NRXN3: variants seen among roughly 807,000 people sequenced by gnomAD.
NRXN3 encodes the protein neurexin III.
In NRXN3, 32 loss-of-function variants were observed where a neutral mutation model predicts 137.6. That is an observed-to-expected ratio of 0.23 (90% CI 0.18 to 0.31). The LOEUF is 0.31. NRXN3 is among the 10% of genes least tolerant of loss of function. NRXN3 has a pLI of 1.00. For missense variants in NRXN3, 1,574 were observed against 2,062.5 expected, an observed-to-expected ratio of 0.76 and a Z score of 4.59; for synonymous variants, 798 against 784.5, an observed-to-expected ratio of 1.02 and a Z score of -0.29.
chr14:78,669,547 C>A (rs142796761), intron 6 of NRXN3, among the ~76,000 whole-genome samples: 2 of 152,088 alleles, frequency 1.3e-5, no homozygotes, highest in Admixed American at 1.3e-4. Flanking sequence ...TCTGTGCTAC[C>A]GTGCTACACA....
chr14:79,707,219 T>C (rs1156397164), intron 19 of NRXN3, among the ~76,000 whole-genome samples: 3 of 152,188 alleles, frequency 2.0e-5, no homozygotes, highest in Non-Finnish European at 4.4e-5. Flanking sequence ...AAAGCAGGGC[T>C]CAAAAATATC....
chr14:79,657,355 C>A (rs894163683), intron 16 of NRXN3, among the ~76,000 whole-genome samples: 1 of 152,096 alleles, frequency 6.6e-6, no homozygotes, highest in South Asian at 2.1e-4. Context: ...GCCACAGCCA[C>A]ACTTCAGCTT....
At chr14:78,743,055 C>G (rs1276824713) in intron 8 of NRXN3, among the ~76,000 whole-genome samples, 1 of 152,138 alleles carries the variant, frequency 6.6e-6, no homozygotes, top group Non-Finnish European at 1.5e-5. Context: ...ATATTGTCTG[C>G]TTTATGCAGG....
At chr14:79,859,638 G>A (rs1185149677) in intron 20 of NRXN3, among the ~76,000 whole-genome samples, 1 of 152,078 alleles carries the variant, frequency 6.6e-6, no homozygotes, top group Non-Finnish European at 1.5e-5. Context: ...CTGATGAGGT[G>A]GGTACCTCAG....
intron 15 of NRXN3, among the ~76,000 whole-genome samples, chr14:79,191,907 C>T (rs189606323): frequency 6.6e-6 from 1 of 151,948 alleles, no homozygotes; most frequent in Non-Finnish European, 1.5e-5. Flanking sequence ...CTAAGAAAAT[C>T]TCAAATAGAG....
chr14:79,499,956 C>CGTGTGTGT (rs35371414), intron 16 of NRXN3, among the ~76,000 whole-genome samples: 3,056 of 145,188 alleles, frequency 0.021, 30 homozygotes, highest in East Asian at 0.077. Flanking sequence ...ATCTTAGGGT[C>CGTGTGTGT]GTGTGTGTGT....
At chr14:79,797,286 G>A (rs570477075) in intron 19 of NRXN3, among the ~76,000 whole-genome samples, 259 of 152,242 alleles carry the variant, frequency 1.7e-3, no homozygotes, top group African/African-American at 6.0e-3. Context: ...TATGCATGTA[G>A]TCATATCTTG....
intron 16 of NRXN3, among the ~76,000 whole-genome samples, chr14:79,488,598 C>T (rs1430572716): frequency 6.6e-6 from 1 of 152,146 alleles, no homozygotes; most frequent in Non-Finnish European, 1.5e-5. Context: ...AATGTCATCA[C>T]CACCACAACA....
At chr14:79,720,362 G>GGGC (rs2098840284) in intron 19 of NRXN3, among the ~76,000 whole-genome samples, 1 of 151,976 alleles carries the variant, frequency 6.6e-6, no homozygotes. Context: ...GGTGAGATTT[G>GGGC]GGCGGGGACA....
At chr14:79,556,892 C>A (rs999403126) in intron 16 of NRXN3, among the ~76,000 whole-genome samples, 9 of 152,142 alleles carry the variant, frequency 5.9e-5, no homozygotes, top group Non-Finnish European at 4.4e-5. Flanking sequence ...CAATGTTGCA[C>A]CTTTGCATAA....
At chr14:79,596,647 G>C (rs1300253257) in intron 16 of NRXN3, among the ~76,000 whole-genome samples, 1 of 152,130 alleles carries the variant, frequency 6.6e-6, no homozygotes, top group Non-Finnish European at 1.5e-5. Flanking sequence ...CACAGGCTTG[G>C]AATGTTTCTG....
At chr14:78,793,800 G>T (rs1459762246) in intron 8 of NRXN3, among the ~76,000 whole-genome samples, 3 of 152,084 alleles carry the variant, frequency 2.0e-5, no homozygotes, top group African/African-American at 7.2e-5. Context: ...TAGACCAACT[G>T]GTACAGTCTG....
intron 15 of NRXN3, among the ~76,000 whole-genome samples, chr14:79,144,143 C>T (rs1438989920): frequency 6.6e-6 from 1 of 152,190 alleles, no homozygotes; most frequent in African/African-American, 2.4e-5. Context: ...TGCAAACTAG[C>T]ATCCCCTCAG....
intron 1 of NRXN3, among the ~76,000 whole-genome samples, chr14:78,207,023 C>G (rs1435521585): frequency 2.6e-5 from 4 of 152,082 alleles, no homozygotes; most frequent in African/African-American, 9.7e-5. Flanking sequence ...ACCACCATGC[C>G]TGGCTAATTT....
intron 4 of NRXN3, among the ~76,000 whole-genome samples, chr14:78,552,871 T>A (rs1240467462): frequency 2.6e-5 from 4 of 152,194 alleles, no homozygotes; most frequent in Admixed American, 2.0e-4. Context: ...GTTTCTAGCA[T>A]TAAGAAAATA....
intron 4 of NRXN3, among the ~76,000 whole-genome samples, chr14:78,616,718 G>A (rs2097350925): frequency 6.6e-6 from 1 of 152,208 alleles, no homozygotes; most frequent in African/African-American, 2.4e-5. Context: ...GCACAGATGG[G>A]CAAGGGTGAT....
At chr14:78,431,401 T>G (rs1480326480) in intron 4 of NRXN3, among the ~76,000 whole-genome samples, 1 of 152,210 alleles carries the variant, frequency 6.6e-6, no homozygotes, top group Non-Finnish European at 1.5e-5. Context: ...TGATGTTCCC[T>G]AAGGGTATGG....
chr14:78,704,794 G>C (rs2098328952), intron 6 of NRXN3, among the ~76,000 whole-genome samples: 1 of 152,144 alleles, frequency 6.6e-6, no homozygotes, highest in African/African-American at 2.4e-5. Flanking sequence ...TATTTCATTT[G>C]CTTATTGTGT....
chr14:79,459,724 C>A (rs1184140843), intron 15 of NRXN3, among the ~76,000 whole-genome samples: 4 of 151,726 alleles, frequency 2.6e-5, no homozygotes, highest in Admixed American at 1.3e-4. Context: ...AATATATACA[C>A]ATAGCTGGTA....
Sources: gnomAD v4.1 joint callset for allele counts (sites outside exome capture counted in the v4.1 genomes callset) on GRCh38, gnomAD v4.1.1 for gene constraint, MANE v1.5 for transcripts, NCBI Gene and HGNC (gene_info 2026-07-23, HGNC 2026-07-21) for gene names.